NXPH2: variants seen among roughly 807,000 people sequenced by gnomAD.
NXPH2 encodes neurexophilin 2, also known as neurexophilin-2.
Under a neutral mutation model 19.8 loss-of-function variants are expected in NXPH2, and 5 were observed. That is an observed-to-expected ratio of 0.25 (90% CI 0.13 to 0.53). The LOEUF (loss-of-function observed/expected upper bound fraction) is 0.53, where lower values mean the gene tolerates loss of function less well. Ranked by LOEUF, NXPH2 falls within the 20% of genes least tolerant of loss-of-function variation. The pLI is 0.96. For missense variants in NXPH2, 289 were observed against 322.8 expected (o/e 0.90, Z 0.80); for synonymous variants, 154 against 127.4 (o/e 1.21, Z -1.41).
chr2:138,675,685 T>C (rs1680474778), intron 1 of NXPH2, among the ~76,000 whole-genome samples: 1 of 152,144 alleles, frequency 6.6e-6, no homozygotes, highest in South Asian at 2.1e-4. Context: ...ATAAATTGAG[T>C]GTCATTATTT....
At chr2:138,763,134 T>A (rs1682043706) in intron 1 of NXPH2, among the ~76,000 whole-genome samples, 1 of 152,190 alleles carries the variant, frequency 6.6e-6, no homozygotes, top group Non-Finnish European at 1.5e-5. Context: ...GTAAATTAAG[T>A]TATACTAAGA....
intron 1 of NXPH2, among the ~76,000 whole-genome samples, chr2:138,730,569 A>G (rs1358289157): frequency 6.6e-6 from 1 of 152,116 alleles, no homozygotes; most frequent in Non-Finnish European, 1.5e-5. Context: ...GCACCATGCT[A>G]TGAGGCAGCC....
Position 138,678,526 on chromosome 2 carries a change from A to G in NXPH2, c.52-6861T>C, listed in dbSNP as rs541474405. ...GTCAGGAACTCCAAAATTTCAATTT[A>G]TAACTCTTTACAGTATCACTGAATT... On this transcript the variant is annotated intron_variant, in intron 1 of 1. Transcript: ENST00000272641. 9.2e-5 allele frequency among the ~76,000 whole-genome samples: 14 copies of G among 152,158 alleles called. No homozygotes were observed. In the South Asian group the frequency reaches 2.9e-3, roughly 32 times the overall value.
intron 1 of NXPH2, among the ~76,000 whole-genome samples, chr2:138,773,515 C>A (rs1682210430): frequency 6.6e-6 from 1 of 152,064 alleles, no homozygotes; most frequent in African/African-American, 2.4e-5. Flanking sequence ...TGTCTACACA[C>A]ACAAATGAGG....
chr2:138,750,062 G>A (rs746356586), intron 1 of NXPH2, among the ~76,000 whole-genome samples: 21 of 152,100 alleles, frequency 1.4e-4, no homozygotes, highest in Non-Finnish European at 2.6e-4. Flanking sequence ...TTTCTTCTCC[G>A]TCTTAACAGA....
chr2:138,703,799 C>G (rs985266483), intron 1 of NXPH2, among the ~76,000 whole-genome samples: 1 of 152,130 alleles, frequency 6.6e-6, no homozygotes. Context: ...GATAAATAAC[C>G]TCCTAACTGA....
chr2:138,738,168 C>T (rs114677366), intron 1 of NXPH2, among the ~76,000 whole-genome samples: 1,872 of 151,180 alleles, frequency 0.012, 39 homozygotes, highest in African/African-American at 0.043. Context: ...CATTTTCATA[C>T]GTAGAAACAG....
intron 1 of NXPH2, among the ~76,000 whole-genome samples, chr2:138,751,813 G>A (rs1020930846): frequency 6.6e-6 from 1 of 151,850 alleles, no homozygotes; most frequent in African/African-American, 2.4e-5. Flanking sequence ...TTTTTCCAGG[G>A]TGTCTTCAAT....
intron 1 of NXPH2, among the ~76,000 whole-genome samples, chr2:138,705,730 C>T (rs1310303998): frequency 1.3e-5 from 2 of 152,166 alleles, no homozygotes; most frequent in Non-Finnish European, 2.9e-5. Flanking sequence ...ATCTGTCTGC[C>T]TAGAACTTTA....
intron 1 of NXPH2, among the ~76,000 whole-genome samples, chr2:138,746,637 A>G (rs1361180405): frequency 6.6e-6 from 1 of 152,184 alleles, no homozygotes; most frequent in Non-Finnish European, 1.5e-5. Context: ...TGAAATGTCA[A>G]ATTGAGCACA....
chr2:138,688,615 C>G (rs1573954631), intron 1 of NXPH2, among the ~76,000 whole-genome samples: 1 of 152,230 alleles, frequency 6.6e-6, no homozygotes, highest in South Asian at 2.1e-4. Flanking sequence ...ATACCAGTAC[C>G]ATTTATTAAT....
intron 1 of NXPH2, among the ~76,000 whole-genome samples, chr2:138,697,506 T>C (rs367827035): frequency 6.6e-6 from 1 of 152,046 alleles, no homozygotes; most frequent in Non-Finnish European, 1.5e-5. Flanking sequence ...GACTACTTAA[T>C]AATGTGAAAA....
At chr2:138,709,696 A>T (rs1221241275) in intron 1 of NXPH2, among the ~76,000 whole-genome samples, 1 of 152,122 alleles carries the variant, frequency 6.6e-6, no homozygotes, top group Non-Finnish European at 1.5e-5. Flanking sequence ...TCCTCTCCCC[A>T]ACCCCTAATT....
chr2:138,682,588 A>T (rs1680594619), intron 1 of NXPH2, among the ~76,000 whole-genome samples: 1 of 152,334 alleles, frequency 6.6e-6, no homozygotes, highest in African/African-American at 2.4e-5. Flanking sequence ...GAAGAAAGCT[A>T]AACAGTGGAC....
chr2:138,669,375 A>C lies in NXPH2; in HGVS notation c.*1547T>G, dbSNP rs1421269218. Among the ~76,000 whole-genome samples the C allele has an allele frequency of 6.6e-6, 1 of 152,194 alleles. No homozygotes were observed. Among genetic ancestry groups the C allele is most frequent in the Non-Finnish European group, 1.5e-5 (1 of 68,002 alleles). ...TTACAAAAACATGTGGTGAACTCAG[A>C]GCAAGAACTTCAAGCCTGTACTACC... On this transcript the variant is annotated 3_prime_UTR_variant, in exon 2 of 2. Transcript: ENST00000272641.
At chr2:138,713,369 C>T (rs1681135071) in intron 1 of NXPH2, among the ~76,000 whole-genome samples, 1 of 152,064 alleles carries the variant, frequency 6.6e-6, no homozygotes, top group Non-Finnish European at 1.5e-5. Flanking sequence ...GATTATTTGT[C>T]CCCCAGCCAT....
Position 138,773,921 on chromosome 2 carries a change from T to C in NXPH2, c.51+6270A>G, listed in dbSNP as rs112930693. The stretch of plus-strand genomic sequence containing the variant: ...GGATTTTCTCCTAAGGTTAGGATCA[T>C]TGGCAATTTTCTCCATCTTTGGTAG... On this transcript the variant is annotated intron_variant, in intron 1 of 1. Coordinates refer to ENST00000272641, the MANE Select transcript of NXPH2 (RefSeq NM_007226.3). 9.3e-4 allele frequency among the ~76,000 whole-genome samples: 142 copies of C among 152,314 alleles called. 2 individuals carry two copies. The highest frequency in any genetic ancestry group is 3.3e-3 in the African/African-American group (137 of 41,564).
Position 138,669,202 on chromosome 2 carries a change from G to A in NXPH2, c.*1720C>T, listed in dbSNP as rs910614885. 1.3e-5 allele frequency among the ~76,000 whole-genome samples: 2 copies of A among 151,930 alleles called. No individual in the cohort carries two copies. Among genetic ancestry groups the A allele is most frequent in the Non-Finnish European group, 2.9e-5 (2 of 67,988 alleles). On this transcript the variant is annotated 3_prime_UTR_variant, in exon 2 of 2. Transcript: ENST00000272641. ...AATTCTTTTTATTTACATAAAATGT[G>A]TACACATACTTTCTCTGTACACAGA...
intron 1 of NXPH2, among the ~76,000 whole-genome samples, chr2:138,693,704 G>A (rs150827290): frequency 5.3e-5 from 8 of 152,062 alleles, no homozygotes; most frequent in Non-Finnish European, 1.5e-5. Flanking sequence ...GTTCACTGTA[G>A]GTCTGAGTAT....
Sources: allele counts gnomAD v4.1 joint callset (sites outside exome capture counted in the v4.1 genomes callset), GRCh38; gene constraint gnomAD v4.1.1; transcripts MANE v1.5; gene names NCBI Gene and HGNC (gene_info 2026-07-23, HGNC 2026-07-21).